The following NKAIN3 variants were observed in gnomAD, a reference collection of about 807,000 sequenced individuals.
NKAIN3 encodes the protein sodium/potassium transporting ATPase interacting 3, also known as sodium/potassium-transporting ATPase subunit beta-1-interacting protein 3.
In NKAIN3, 25 loss-of-function variants were observed where a neutral mutation model predicts 30.2. The observed-to-expected ratio is 0.83, with a 90% CI of 0.60 to 1.16. The LOEUF is 1.16. Among genes scored for constraint, NKAIN3 ranks in the 50% most tolerant of loss-of-function variants. The probability of loss-of-function intolerance (pLI) is 0.00; values close to 1 mark genes in which losing one functional copy is unlikely to be tolerated. For missense variants in NKAIN3, 225 were observed against 254.1 expected (o/e 0.89, Z 0.78); for synonymous variants, 91 against 89.6 (o/e 1.02, Z -0.09).
chr8:62,376,324 A>C (rs1018893957), intron 1 of NKAIN3, among the ~76,000 whole-genome samples: 3 of 152,176 alleles, frequency 2.0e-5, no homozygotes, highest in Non-Finnish European at 4.4e-5. Context: ...TGATGACCTA[A>C]ATGTTCTAGC....
chr8:62,710,992 G>A (rs961737633), intron 3 of NKAIN3, among the ~76,000 whole-genome samples: 7 of 151,988 alleles, frequency 4.6e-5, no homozygotes, highest in African/African-American at 2.4e-5. Context: ...CCTTCATATA[G>A]GATGCTTAGT....
chr8:62,902,146 C>T (rs1400269749), intron 4 of NKAIN3, among the ~76,000 whole-genome samples: 1 of 152,228 alleles, frequency 6.6e-6, no homozygotes, highest in Non-Finnish European at 1.5e-5. Flanking sequence ...AGATGAACAC[C>T]TACTGCTGGG....
At chr8:62,995,653 T>C (rs1016809861) in intron 5 of NKAIN3, among the ~76,000 whole-genome samples, 7 of 151,266 alleles carry the variant, frequency 4.6e-5, no homozygotes, top group African/African-American at 1.2e-4. Context: ...GTTGGGAGTT[T>C]AGAGAGGTAG....
intron 3 of NKAIN3, among the ~76,000 whole-genome samples, chr8:62,733,379 G>T (rs1815542836): frequency 6.6e-6 from 1 of 152,018 alleles, no homozygotes; most frequent in Non-Finnish European, 1.5e-5. Context: ...GATTTTATTT[G>T]TCTGAAATGC....
intron 1 of NKAIN3, among the ~76,000 whole-genome samples, chr8:62,493,583 A>C (rs1292284048): frequency 6.6e-6 from 1 of 152,164 alleles, no homozygotes; most frequent in Admixed American, 6.6e-5. Context: ...ATTTGATAGA[A>C]TAGCATTGAA....
At chr8:62,905,157 G>A (rs1821739424) in intron 4 of NKAIN3, among the ~76,000 whole-genome samples, 1 of 152,138 alleles carries the variant, frequency 6.6e-6, no homozygotes, top group Non-Finnish European at 1.5e-5. Flanking sequence ...ATTTACAACT[G>A]GGCTTAAAGA....
chr8:62,615,417 C>T (rs560266220), intron 3 of NKAIN3, among the ~76,000 whole-genome samples: 23 of 152,170 alleles, frequency 1.5e-4, no homozygotes, highest in African/African-American at 5.1e-4. Context: ...TTTGGAGTGG[C>T]GAGCTGTGAA....
chr8:62,827,203 G>C, intron 4 of NKAIN3, among the ~76,000 whole-genome samples: 1 of 152,166 alleles, frequency 6.6e-6, no homozygotes, highest in East Asian at 1.9e-4. Context: ...ATGCTATAAA[G>C]TCTTTATACA....
intron 4 of NKAIN3, among the ~76,000 whole-genome samples, chr8:62,822,208 C>T (rs993590913): frequency 2.0e-5 from 3 of 152,148 alleles, no homozygotes; most frequent in African/African-American, 7.2e-5. Context: ...ATTTTATCTT[C>T]TTCATGCTAG....
rs550539662 is a variant in NKAIN3, at chr8:62,977,497, C to T, written c.*12090C>T. On this transcript the variant is annotated 3_prime_UTR_variant, in exon 7 of 7. Coordinates refer to ENST00000623646, the MANE Select transcript of NKAIN3 (RefSeq NM_001304533.3). Reference sequence around the variant, plus strand: ...TGCTTGATCGATTCAGCTATTGATACTTGTGTATGCTTCATGAAGTTCTCG... The same window carrying T: ...TGCTTGATCGATTCAGCTATTGATATTTGTGTATGCTTCATGAAGTTCTCG... Among the ~76,000 whole-genome samples the T allele has an allele frequency of 7.5e-4, 114 of 151,918 alleles. No homozygotes were observed. The highest frequency in any genetic ancestry group is 3.4e-3 in the Middle Eastern group (1 of 294).
chr8:62,673,041 A>G (rs1420390159), intron 3 of NKAIN3, among the ~76,000 whole-genome samples: 3 of 152,176 alleles, frequency 2.0e-5, no homozygotes, highest in Non-Finnish European at 4.4e-5. Context: ...ATGTGATTTT[A>G]CAGAAAAAGA....
At chr8:62,370,678 A>G (rs1816880853) in intron 1 of NKAIN3, among the ~76,000 whole-genome samples, 1 of 151,998 alleles carries the variant, frequency 6.6e-6, no homozygotes, top group Non-Finnish European at 1.5e-5. Flanking sequence ...TCAAGAATGA[A>G]ACAGCTAGCA....
intron 4 of NKAIN3, among the ~76,000 whole-genome samples, chr8:62,793,289 GTTT>G: frequency 6.6e-6 from 1 of 152,004 alleles, no homozygotes. Flanking sequence ...TAGCTTGCTG[GTTT>G]TTTTGTAAAT....
chr8:62,345,330 T>C (rs1479358323), intron 1 of NKAIN3, among the ~76,000 whole-genome samples: 3 of 11,028 alleles, frequency 2.7e-4, no homozygotes, highest in Non-Finnish European at 1.3e-3. Context: ...TATATACACA[T>C]ATATGTATAT....
intron 1 of NKAIN3, among the ~76,000 whole-genome samples, chr8:62,333,170 G>A (rs955647558): frequency 6.6e-6 from 1 of 151,872 alleles, no homozygotes; most frequent in African/African-American, 2.4e-5. Context: ...TTTTTTCATT[G>A]TCTGAAAGAG....
rs750461842 is a variant in NKAIN3 at position 62,972,592 on chromosome 8, CAT to C, written c.*7186_*7187del. 2.6e-5 allele frequency among the ~76,000 whole-genome samples: 4 copies of C among 152,150 alleles called. No homozygotes were observed. The East Asian group carries it at 7.7e-4, about 29-fold the overall frequency. On this transcript the variant is annotated 3_prime_UTR_variant, in exon 7 of 7. Transcript: ENST00000623646. ...GACATTTGTGAAGGCAGATTATACACATGAGACAGTGGTGAATAAATCCACCC... is the reference window on the plus strand; with the variant it reads ...GACATTTGTGAAGGCAGATTATACACGAGACAGTGGTGAATAAATCCACCC...
chr8:62,466,902 A>G lies in NKAIN3; in HGVS notation c.55-112637A>G, dbSNP rs545155896. ...GGCATTACTACTGCTCTTAAAAAAA[A>G]AGAGAGAGATACTCTCATTTTAAAA... On this transcript the variant is annotated intron_variant, in intron 1 of 6. Coordinates refer to ENST00000623646, the MANE Select transcript of NKAIN3 (RefSeq NM_001304533.3). Among the ~76,000 whole-genome samples, 11 of 152,222 alleles carry G rather than the reference A, an allele frequency of 7.2e-5. No homozygotes were observed. In the East Asian group the frequency reaches 9.6e-4, roughly 13 times the overall value.
intron 4 of NKAIN3, among the ~76,000 whole-genome samples, chr8:62,914,328 C>T (rs1243486778): frequency 6.6e-6 from 1 of 151,970 alleles, no homozygotes; most frequent in Admixed American, 6.6e-5. Flanking sequence ...AAACAATAGA[C>T]ACTGGGGCCT....
intron 5 of NKAIN3, among the ~76,000 whole-genome samples, chr8:62,933,974 C>T (rs764985983): frequency 2.0e-5 from 3 of 152,070 alleles, no homozygotes; most frequent in Non-Finnish European, 2.9e-5. Flanking sequence ...TTACTGAGCT[C>T]TTGACAAAGA....
Sources: allele counts gnomAD v4.1 joint callset (sites outside exome capture counted in the v4.1 genomes callset), GRCh38; gene constraint gnomAD v4.1.1; transcripts MANE v1.5; gene names NCBI Gene and HGNC (gene_info 2026-07-23, HGNC 2026-07-21).